The following FAM24B variants were observed in gnomAD, a reference collection of about 807,000 sequenced individuals.
The protein encoded by FAM24B is family with sequence similarity 24 member B.
In FAM24B, 3 loss-of-function variants were observed where a neutral mutation model predicts 2.3. The observed-to-expected ratio is 1.29, with a 90% CI of 0.59 to 3.32. FAM24B has a LOEUF of 3.32. FAM24B is among the 30% of genes most tolerant of loss of function. The pLI, the probability that FAM24B is intolerant of heterozygous loss-of-function variation, is 0.03. For synonymous variants in FAM24B, 36 were observed against 46.3 expected (o/e 0.78, Z 0.90); for missense variants, 98 against 117.2 (o/e 0.84, Z 0.76).
intron 1 of FAM24B, among the ~76,000 whole-genome samples, chr10:122,877,568 C>G (rs1847994886): frequency 6.6e-6 from 1 of 152,194 alleles, no homozygotes; most frequent in Non-Finnish European, 1.5e-5. Context: ...TATCTTATAA[C>G]CTTCTGAATA....
intron 1 of FAM24B, among the ~76,000 whole-genome samples, chr10:122,857,038 T>A (rs1054313583): frequency 2.6e-5 from 4 of 152,344 alleles, no homozygotes; most frequent in Non-Finnish European, 5.9e-5. Context: ...TGCTGGCTAA[T>A]GGCCCAAAGC....
At chr10:122,873,564 T>C (rs1394403507) in intron 1 of FAM24B, among the ~76,000 whole-genome samples, 1 of 152,252 alleles carries the variant, frequency 6.6e-6, no homozygotes, top group Non-Finnish European at 1.5e-5. Context: ...CCGCAGCCCA[T>C]GGATCAAGGA....
At chr10:122,857,083 C>T (rs906515537) in intron 1 of FAM24B, among the ~76,000 whole-genome samples, 5 of 152,188 alleles carry the variant, frequency 3.3e-5, no homozygotes, top group Non-Finnish European at 4.4e-5. Flanking sequence ...CACTCACAGG[C>T]CCTCTCACTC....
intron 1 of FAM24B, among the ~76,000 whole-genome samples, chr10:122,859,526 T>G (rs1046344510): frequency 3.3e-5 from 5 of 152,138 alleles, no homozygotes; most frequent in Non-Finnish European, 7.3e-5. Flanking sequence ...TCAGATTAAC[T>G]AGGGTTCAGA....
chr10:122,870,631 CA>C (rs1305811106), intron 1 of FAM24B, among the ~76,000 whole-genome samples: 1 of 152,162 alleles, frequency 6.6e-6, no homozygotes, highest in Non-Finnish European at 1.5e-5. Context: ...GCTGGTTCAA[CA>C]TATGCAAATC....
intron 1 of FAM24B, among the ~76,000 whole-genome samples, chr10:122,861,794 G>A (rs1487155795): frequency 6.6e-6 from 1 of 152,100 alleles, no homozygotes; most frequent in Non-Finnish European, 1.5e-5. Context: ...TCATTGCTGA[G>A]CTCACATCCT....
At chr10:122,860,733 G>C (rs1483489059) in intron 1 of FAM24B, among the ~76,000 whole-genome samples, 1 of 152,202 alleles carries the variant, frequency 6.6e-6, no homozygotes, top group Non-Finnish European at 1.5e-5. Flanking sequence ...CACATCTGAA[G>C]TGGTATCTGG....
At chr10:122,870,880 C>G (rs1001908251) in intron 1 of FAM24B, among the ~76,000 whole-genome samples, 37 of 152,264 alleles carry the variant, frequency 2.4e-4, no homozygotes, top group African/African-American at 7.7e-4. Context: ...TGGCACAAGA[C>G]AGGGATGCCC....
Position 122,858,479 on chromosome 10 carries a change from C to G in FAM24B, c.-177-2693G>C, listed in dbSNP as rs183313735. Among the ~76,000 whole-genome samples, 1,218 of 151,816 alleles carry G rather than the reference C, an allele frequency of 8.0e-3. 22 individuals are homozygous for G. The highest frequency in any genetic ancestry group is 0.028 in the African/African-American group (1,164 of 41,372). ...ATGACGAGTTAATGGGTGCAGCACA[C>G]CAACATGGCACATGTATACATATGT... On this transcript the variant is annotated intron_variant, in intron 1 of 3. Transcript: ENST00000368898.
chr10:122,867,621 T>C (rs1847822390), intron 1 of FAM24B, among the ~76,000 whole-genome samples: 1 of 152,212 alleles, frequency 6.6e-6, no homozygotes, highest in South Asian at 2.1e-4. Context: ...GGCAGCAGCA[T>C]TTGCGGTTCA....
At chr10:122,859,422 G>A (rs1847693148) in intron 1 of FAM24B, among the ~76,000 whole-genome samples, 1 of 152,182 alleles carries the variant, frequency 6.6e-6, no homozygotes, top group Non-Finnish European at 1.5e-5. Flanking sequence ...CCAGAGAAGA[G>A]AAGATGGTGA....
At chr10:122,853,772 TAGC>T (rs1847588258) in intron 2 of FAM24B, among the ~76,000 whole-genome samples, 1 of 152,162 alleles carries the variant, frequency 6.6e-6, no homozygotes, top group Non-Finnish European at 1.5e-5. Flanking sequence ...CCAGGTGTGG[TAGC>T]AGATGTCTGT....
chr10:122,872,354 C>A (rs1017641940), intron 1 of FAM24B, among the ~76,000 whole-genome samples: 2 of 152,172 alleles, frequency 1.3e-5, no homozygotes, highest in African/African-American at 4.8e-5. Flanking sequence ...TAAACTAGTT[C>A]AACCATTGTG....
intron 1 of FAM24B, among the ~76,000 whole-genome samples, chr10:122,867,137 C>A (rs1161873680): frequency 6.6e-6 from 1 of 152,236 alleles, no homozygotes; most frequent in Non-Finnish European, 1.5e-5. Context: ...TCCCTCAAGC[C>A]AAAACCTAAT....
intron 1 of FAM24B, among the ~76,000 whole-genome samples, chr10:122,879,203 A>T (rs1848034375): frequency 1.3e-5 from 2 of 152,240 alleles, no homozygotes; most frequent in South Asian, 4.1e-4. Flanking sequence ...GGGAGCATCA[A>T]ATGAGATGGC....
chr10:122,859,643 C>A (rs985923098), intron 1 of FAM24B, among the ~76,000 whole-genome samples: 4 of 152,202 alleles, frequency 2.6e-5, no homozygotes, highest in African/African-American at 9.7e-5. Flanking sequence ...GGTCAGGAAC[C>A]TAGAAAACAA....
chr10:122,866,529 G>A (rs1029469335), intron 1 of FAM24B, among the ~76,000 whole-genome samples: 4 of 152,092 alleles, frequency 2.6e-5, no homozygotes, highest in East Asian at 1.9e-4. Context: ...GTCTATCAGT[G>A]CCATTTTTCC....
chr10:122,858,490 C>T (rs1045416110), intron 1 of FAM24B, among the ~76,000 whole-genome samples: 1 of 151,718 alleles, frequency 6.6e-6, no homozygotes, highest in Non-Finnish European at 1.5e-5. Context: ...CAACATGGCA[C>T]ATGTATACAT....
intron 1 of FAM24B, among the ~76,000 whole-genome samples, chr10:122,871,359 A>G (rs59108993): frequency 0.026 from 3,889 of 152,232 alleles, 148 homozygotes; most frequent in African/African-American, 0.082. Context: ...TGGCCATACT[A>G]CCCAAGGTAA....
Sources: allele counts gnomAD v4.1 joint callset (sites outside exome capture counted in the v4.1 genomes callset), GRCh38; gene constraint gnomAD v4.1.1; transcripts MANE v1.5; gene names NCBI Gene and HGNC (gene_info 2026-07-23, HGNC 2026-07-21).